Variants in AGMO observed in about 807,000 individuals in gnomAD.
The protein encoded by AGMO is alkylglycerol monooxygenase.
In AGMO, 75 loss-of-function variants were observed where a neutral mutation model predicts 60.2. That is an observed-to-expected ratio of 1.25 (90% CI 1.03 to 1.51). The LOEUF is 1.51. Ranked by LOEUF, AGMO falls within the 40% of genes most tolerant of loss-of-function variation. The pLI is 0.00. For synonymous variants in AGMO, 261 were observed against 177.1 expected (o/e 1.47, Z -3.76); for missense variants, 763 against 525.5 (o/e 1.45, Z -4.42).
the AGMO span, among the ~76,000 whole-genome samples, chr7:15,132,210 G>T: frequency 2.0e-5 from 3 of 152,082 alleles, no homozygotes; most frequent in Non-Finnish European, 4.4e-5. Context: ...AGTATAAAAA[G>T]TGTTGACTTT....
intron 3 of AGMO, among the ~76,000 whole-genome samples, chr7:15,458,923 T>C (rs1464591232): frequency 1.3e-5 from 2 of 152,174 alleles, no homozygotes; most frequent in Non-Finnish European, 2.9e-5. Context: ...ACATTAGTTA[T>C]TTTCCATCAT....
intron 3 of AGMO, among the ~76,000 whole-genome samples, chr7:15,469,028 C>T (rs1459039273): frequency 6.6e-6 from 1 of 152,010 alleles, no homozygotes; most frequent in Non-Finnish European, 1.5e-5. Context: ...TACATTTAAA[C>T]TCAGAACATA....
At chr7:15,485,689 G>C (rs1782902229) in intron 3 of AGMO, among the ~76,000 whole-genome samples, 1 of 152,118 alleles carries the variant, frequency 6.6e-6, no homozygotes. Flanking sequence ...AGAAAACGTA[G>C]ATGACGAATT....
intron 12 of AGMO, among the ~76,000 whole-genome samples, chr7:15,343,009 G>GT (rs912257306): frequency 2.0e-5 from 3 of 151,916 alleles, no homozygotes; most frequent in Admixed American, 2.0e-4. Flanking sequence ...TTTTATGAAT[G>GT]TTTTTTTCTG....
At chr7:15,441,203 C>T (rs1781544880) in intron 3 of AGMO, among the ~76,000 whole-genome samples, 1 of 152,182 alleles carries the variant, frequency 6.6e-6, no homozygotes, top group Non-Finnish European at 1.5e-5. Context: ...CTACACTTCT[C>T]AAACATAAGG....
chr7:15,162,995 C>A, the AGMO span, among the ~76,000 whole-genome samples: 1 of 152,164 alleles, frequency 6.6e-6, no homozygotes, highest in Non-Finnish European at 1.5e-5. Flanking sequence ...TCTGTGATTT[C>A]TTTCATCAGT....
chr7:15,373,987 C>G (rs1288902882), intron 10 of AGMO, among the ~76,000 whole-genome samples: 2 of 152,190 alleles, frequency 1.3e-5, no homozygotes, highest in Non-Finnish European at 2.9e-5. Context: ...GCATACTTAT[C>G]CCTGCTGCCA....
chr7:15,260,005 A>G (rs1783221359), intron 12 of AGMO, among the ~76,000 whole-genome samples: 1 of 151,008 alleles, frequency 6.6e-6, no homozygotes, highest in Admixed American at 6.6e-5. Flanking sequence ...CACAGGACCT[A>G]TATAACAATA....
At chr7:15,188,996 T>G in the AGMO span, among the ~76,000 whole-genome samples, 1 of 152,120 alleles carries the variant, frequency 6.6e-6, no homozygotes, top group Non-Finnish European at 1.5e-5. Flanking sequence ...GGTAAAATGA[T>G]GGAGATAAAC....
At chr7:15,306,742 T>C (rs961869413) in intron 12 of AGMO, among the ~76,000 whole-genome samples, 9 of 152,056 alleles carry the variant, frequency 5.9e-5, no homozygotes, top group East Asian at 1.9e-4. Context: ...CTAGTTCTTA[T>C]AGGCTGAGGA....
chr7:15,408,826 T>A (rs1172460967), intron 5 of AGMO, among the ~76,000 whole-genome samples: 2 of 151,840 alleles, frequency 1.3e-5, no homozygotes, highest in African/African-American at 4.8e-5. Context: ...AGTAAATACA[T>A]GTAAAATAAT....
At chr7:15,271,011 C>T (rs1270791668) in intron 12 of AGMO, among the ~76,000 whole-genome samples, 1 of 151,926 alleles carries the variant, frequency 6.6e-6, no homozygotes, top group Admixed American at 6.6e-5. Flanking sequence ...TATTCTGCTC[C>T]ATTGATCTAT....
the AGMO span, among the ~76,000 whole-genome samples, chr7:15,195,020 GGA>G: frequency 6.6e-6 from 1 of 152,136 alleles, no homozygotes; most frequent in Non-Finnish European, 1.5e-5. Flanking sequence ...GATAAGGGGA[GGA>G]GAGAAACCAT....
chr7:15,218,903 T>G (rs1781830598), intron 12 of AGMO, among the ~76,000 whole-genome samples: 1 of 152,174 alleles, frequency 6.6e-6, no homozygotes, highest in African/African-American at 2.4e-5. Flanking sequence ...ATGGGGCTAT[T>G]CAGTGCTAGA....
chr7:15,144,833 TTTGTTG>T, the AGMO span, among the ~76,000 whole-genome samples: 1 of 152,142 alleles, frequency 6.6e-6, no homozygotes, highest in Non-Finnish European at 1.5e-5. Flanking sequence ...TTTGTTTGTT[TTTGTTG>T]TTGTTGTTGA....
intron 10 of AGMO, among the ~76,000 whole-genome samples, chr7:15,372,121 G>C (rs1170889851): frequency 6.6e-6 from 1 of 150,768 alleles, no homozygotes; most frequent in Non-Finnish European, 1.5e-5. Flanking sequence ...TCCTTTGATA[G>C]ACTACTAAGG....
intron 3 of AGMO, among the ~76,000 whole-genome samples, chr7:15,534,049 G>T (rs980965247): frequency 2.6e-5 from 4 of 151,874 alleles, no homozygotes; most frequent in Non-Finnish European, 5.9e-5. Context: ...TTACATTTTA[G>T]AAGCTATTTT....
intron 12 of AGMO, among the ~76,000 whole-genome samples, chr7:15,363,301 T>C (rs532144944): frequency 1.3e-5 from 2 of 152,304 alleles, no homozygotes; most frequent in South Asian, 2.1e-4. Context: ...CAAGGCCAAA[T>C]AGTTATTTCA....
chr7:15,317,920 C>A (rs1444670039), intron 12 of AGMO, among the ~76,000 whole-genome samples: 1 of 141,724 alleles, frequency 7.1e-6, no homozygotes, highest in Non-Finnish European at 1.5e-5. Context: ...TATATATATA[C>A]ACACACGTAT....
Sources: gnomAD v4.1 joint callset for allele counts (sites outside exome capture counted in the v4.1 genomes callset) on GRCh38, gnomAD v4.1.1 for gene constraint, MANE v1.5 for transcripts, NCBI Gene and HGNC (gene_info 2026-07-23, HGNC 2026-07-21) for gene names.